The following PIP5K1B variants were observed in gnomAD, a reference collection of about 807,000 sequenced individuals.
PIP5K1B encodes phosphatidylinositol-4-phosphate 5-kinase type 1 beta.
A neutral mutation model predicts 67.0 loss-of-function variants in PIP5K1B; 42 were observed. The observed-to-expected ratio is 0.63, with a 90% CI of 0.49 to 0.81. The LOEUF is 0.81. PIP5K1B is among the 30% of genes least tolerant of loss of function. The pLI, the probability that PIP5K1B is intolerant of heterozygous loss-of-function variation, is 0.00. For synonymous variants in PIP5K1B, 214 were observed against 231.4 expected, an observed-to-expected ratio of 0.92 and a Z score of 0.68; for missense variants, 459 against 646.3, an observed-to-expected ratio of 0.71 and a Z score of 3.14.
chr9:68,958,570 A>G (rs1564270614), intron 14 of PIP5K1B, among the ~76,000 whole-genome samples: 1 of 152,214 alleles, frequency 6.6e-6, no homozygotes, highest in South Asian at 2.1e-4. Context: ...TCCAAGCAGC[A>G]TTCATGATTT....
At chr9:68,951,147 A>G (rs1456716674) in intron 14 of PIP5K1B, among the ~76,000 whole-genome samples, 2 of 152,348 alleles carry the variant, frequency 1.3e-5, no homozygotes, top group South Asian at 2.1e-4. Flanking sequence ...AGGATAAAGT[A>G]ATAAAGGTGA....
chr9:68,890,980 G>T (rs1288964119), intron 7 of PIP5K1B, among the ~76,000 whole-genome samples: 1 of 152,174 alleles, frequency 6.6e-6, no homozygotes, highest in Non-Finnish European at 1.5e-5. Context: ...AGGAATGGTG[G>T]CTCACACCTG....
intron 14 of PIP5K1B, among the ~76,000 whole-genome samples, chr9:68,958,707 A>T (rs1383415926): frequency 6.6e-6 from 1 of 152,198 alleles, no homozygotes; most frequent in Non-Finnish European, 1.5e-5. Context: ...GTTGCATGAG[A>T]TGCCTCAAGA....
At chr9:68,842,909 A>C (rs565513398) in intron 4 of PIP5K1B, among the ~76,000 whole-genome samples, 7 of 152,350 alleles carry the variant, frequency 4.6e-5, no homozygotes, top group African/African-American at 1.7e-4. Context: ...TGGCTTGTGG[A>C]ATAAACATAC....
At chr9:68,997,037 C>T (rs556353676) in intron 15 of PIP5K1B, among the ~76,000 whole-genome samples, 17 of 152,282 alleles carry the variant, frequency 1.1e-4, no homozygotes, top group African/African-American at 2.6e-4. Flanking sequence ...TTTTTAGCCA[C>T]GCCAGTATTG....
intron 1 of PIP5K1B, among the ~76,000 whole-genome samples, chr9:68,724,720 C>T (rs557581453): frequency 9.2e-5 from 14 of 151,494 alleles, no homozygotes; most frequent in East Asian, 5.8e-4. Context: ...ATTTCTTTTT[C>T]GATTTGATCA....
chr9:68,983,626 C>T (rs1217472301), intron 14 of PIP5K1B, among the ~76,000 whole-genome samples: 1 of 152,192 alleles, frequency 6.6e-6, no homozygotes, highest in Non-Finnish European at 1.5e-5. Flanking sequence ...AGTGTGCATA[C>T]ATGGATACTC....
chr9:68,826,634 G>C (rs970518858), intron 4 of PIP5K1B, among the ~76,000 whole-genome samples: 1 of 152,172 alleles, frequency 6.6e-6, no homozygotes, highest in Non-Finnish European at 1.5e-5. Flanking sequence ...GTAAGAACTT[G>C]TCTCTGCCTC....
intron 14 of PIP5K1B, among the ~76,000 whole-genome samples, chr9:68,948,498 A>G (rs763887597): frequency 1.3e-5 from 2 of 152,086 alleles, no homozygotes; most frequent in Non-Finnish European, 2.9e-5. Context: ...CAAAAAACAC[A>G]TCTGAGCATG....
intron 2 of PIP5K1B, among the ~76,000 whole-genome samples, chr9:68,817,549 T>A (rs1469995602): frequency 2.6e-5 from 4 of 152,156 alleles, no homozygotes; most frequent in Admixed American, 6.6e-5. Flanking sequence ...TATGCAGTTA[T>A]TTTTAAATGA....
At chr9:68,956,458 A>G (rs1828397755) in intron 14 of PIP5K1B, among the ~76,000 whole-genome samples, 1 of 152,006 alleles carries the variant, frequency 6.6e-6, no homozygotes, top group African/African-American at 2.4e-5. Flanking sequence ...GACTGAGGAG[A>G]CTCTGTCTCA....
chr9:68,911,359 GC>G (rs1825840403), intron 8 of PIP5K1B, among the ~76,000 whole-genome samples: 1 of 132,648 alleles, frequency 7.5e-6, no homozygotes, highest in Non-Finnish European at 1.6e-5. Context: ...GGCAACAAGA[GC>G]AAAACTCCAT....
At chr9:68,789,725 C>G in intron 2 of PIP5K1B, 1 of 253,218 alleles carries the variant, frequency 3.9e-6, no homozygotes, top group South Asian at 4.5e-5. Flanking sequence ...CTGAAAGCCT[C>G]AGGACTCTGC....
chr9:68,854,059 G>A (rs1822638617), intron 4 of PIP5K1B, among the ~76,000 whole-genome samples: 1 of 150,076 alleles, frequency 6.7e-6, no homozygotes, highest in Non-Finnish European at 1.5e-5. Context: ...TTATTAAGCT[G>A]GACTGTACAT....
At chr9:68,732,921 G>T (rs557438689) in intron 1 of PIP5K1B, among the ~76,000 whole-genome samples, 1 of 151,866 alleles carries the variant, frequency 6.6e-6, no homozygotes, top group Non-Finnish European at 1.5e-5. Flanking sequence ...TGGGTTGGGG[G>T]GGGGGCGGCG....
intron 2 of PIP5K1B, among the ~76,000 whole-genome samples, chr9:68,759,170 T>A (rs1429838053): frequency 6.6e-6 from 1 of 152,092 alleles, no homozygotes; most frequent in Non-Finnish European, 1.5e-5. Flanking sequence ...ATAGAAATGG[T>A]GAATATCTGG....
intron 1 of PIP5K1B, among the ~76,000 whole-genome samples, chr9:68,731,885 C>T (rs189985498): frequency 6.2e-4 from 95 of 152,312 alleles, no homozygotes; most frequent in Admixed American, 2.1e-3. Flanking sequence ...TGAAAACTGC[C>T]TATTGTTCAC....
At chr9:68,976,045 G>A (rs558349637) in intron 14 of PIP5K1B, among the ~76,000 whole-genome samples, 1 of 152,158 alleles carries the variant, frequency 6.6e-6, no homozygotes, top group African/African-American at 2.4e-5. Context: ...TAACAACATG[G>A]CTCTGAATAA....
In PIP5K1B at chr9:68,918,825, C is replaced by T. The variant is rs1826228410; in HGVS notation, c.984-654C>T. On this transcript the variant is annotated intron_variant, in intron 9 of 15. Coordinates refer to ENST00000265382, the MANE Select transcript of PIP5K1B (RefSeq NM_003558.4). Reference sequence around the variant, plus strand: ...CTGTCCAATAATCAGTTAAATTATCCTATATCAGTATGGTGAAATACAATA... The same window carrying T: ...CTGTCCAATAATCAGTTAAATTATCTTATATCAGTATGGTGAAATACAATA... 2.6e-5 allele frequency among the ~76,000 whole-genome samples: 4 copies of T among 152,208 alleles called. No homozygotes were observed. In the South Asian group the frequency reaches 8.3e-4, roughly 32 times the overall value.
Sources: allele counts gnomAD v4.1 joint callset (sites outside exome capture counted in the v4.1 genomes callset), GRCh38; gene constraint gnomAD v4.1.1; transcripts MANE v1.5; gene names NCBI Gene and HGNC (gene_info 2026-07-23, HGNC 2026-07-21).